Variants in SLCO5A1 observed in about 807,000 individuals in gnomAD.
The protein encoded by SLCO5A1 is solute carrier organic anion transporter family member 5A1, also known as organic anion transporter polypeptide-related protein 4.
In SLCO5A1, 39 loss-of-function variants were observed where a neutral mutation model predicts 65.1. The observed-to-expected ratio is 0.60, with a 90% confidence interval of 0.46 to 0.78. The LOEUF is 0.78. SLCO5A1 is among the 30% of genes least tolerant of loss of function. The probability of loss-of-function intolerance (pLI) is 0.00; values close to 1 mark genes in which losing one functional copy is unlikely to be tolerated. For missense variants in SLCO5A1, 1,029 were observed against 1,069.4 expected (o/e 0.96, Z 0.53); for synonymous variants, 438 against 415.7 (o/e 1.05, Z -0.65).
At chr8:69,707,139 G>A (rs555434963) in intron 5 of SLCO5A1, among the ~76,000 whole-genome samples, 11 of 152,150 alleles carry the variant, frequency 7.2e-5, no homozygotes, top group Non-Finnish European at 1.0e-4. Flanking sequence ...TTGACAGAGT[G>A]AGACTCCACA....
chr8:69,758,883 G>A (rs887188927), intron 3 of SLCO5A1, among the ~76,000 whole-genome samples: 1 of 152,148 alleles, frequency 6.6e-6, no homozygotes, highest in Non-Finnish European at 1.5e-5. Flanking sequence ...ATTCACTAAG[G>A]GGGCCAGTTA....
In SLCO5A1 at chr8:69,831,975, G is replaced by A. The variant is rs147139515; in HGVS notation, c.699C>T (p.Asn233=). ...QIQELNASAP[N]DGLCQGGNST... is the part of the protein sequence containing the mutation. ...AGTTGCCACCCTGACACAGGCCGTC[G>A]TTGGGGGCCGAGGCGTTCAACTCTT... Residue 233 remains asparagine, a synonymous_variant, in exon 2 of 10, where the codon AAC becomes AAT. Transcript: ENST00000260126. 5.0e-6 allele frequency: 8 copies of A among 1,593,126 alleles called. No individual in the cohort carries two copies. The highest frequency in any genetic ancestry group is 2.3e-5 in the South Asian group (2 of 87,626).
At chr8:69,828,285 A>G (rs1821005991) in intron 2 of SLCO5A1, among the ~76,000 whole-genome samples, 1 of 151,418 alleles carries the variant, frequency 6.6e-6, no homozygotes, top group African/African-American at 2.4e-5. Flanking sequence ...TTAAAAAAAA[A>G]GCAATTTAAT....
chr8:69,682,459 A>T, intron 6 of SLCO5A1, 116 bp from the exon 7 acceptor site: 3 of 1,011,832 alleles, frequency 3.0e-6, no homozygotes, highest in South Asian at 5.0e-5. Flanking sequence ...CATTGAATCA[A>T]AGCCATGATA....
rs1045724227 is a variant in SLCO5A1, at chr8:69,824,136, G to A, written c.907+7631C>T. Among the ~76,000 whole-genome samples, 7 of 152,044 alleles carry A rather than the reference G, an allele frequency of 4.6e-5. No homozygotes were observed. The South Asian group carries it at 8.4e-4, about 18-fold the overall frequency. ...GGACACATTTAAAGCAGTGTGTAGA[G>A]GGAAATTTATAGCACTAAATGCCCA... On this transcript the variant is annotated intron_variant, in intron 2 of 9. Transcript: ENST00000260126.
At chr8:69,754,752 A>G (rs1817472134) in intron 4 of SLCO5A1, among the ~76,000 whole-genome samples, 2 of 152,200 alleles carry the variant, frequency 1.3e-5, no homozygotes, top group South Asian at 4.1e-4. Flanking sequence ...GTTTAATATA[A>G]TCAGTATTTT....
chr8:69,684,570 C>T (rs974932254), intron 6 of SLCO5A1, among the ~76,000 whole-genome samples: 5 of 152,144 alleles, frequency 3.3e-5, no homozygotes, highest in Admixed American at 1.3e-4. Context: ...TTATATGGTT[C>T]TGGGAACTCT....
chr8:69,798,925 ATCTTT>A (rs1466181291), intron 2 of SLCO5A1, among the ~76,000 whole-genome samples: 2 of 152,236 alleles, frequency 1.3e-5, no homozygotes, highest in Non-Finnish European at 2.9e-5. Context: ...TAGAAGATTA[ATCTTT>A]TCTTTTGGTT....
At chr8:69,743,914 T>C (rs1374110628) in intron 4 of SLCO5A1, among the ~76,000 whole-genome samples, 1 of 152,042 alleles carries the variant, frequency 6.6e-6, no homozygotes, top group East Asian at 1.9e-4. Flanking sequence ...GCAGGGAGTA[T>C]GAAGATTTGA....
Position 69,672,288 on chromosome 8 carries a change from C to G in SLCO5A1, c.*581G>C, listed in dbSNP as rs1813358019. 1 of 153,856 alleles carries G rather than the reference C, an allele frequency of 6.5e-6. No individual in the cohort carries two copies. Among genetic ancestry groups the G allele is most frequent in the Non-Finnish European group, 1.4e-5 (1 of 69,018 alleles). The allele number at this position is 153,856 out of a possible 1,614,324, so 9.5% of individuals were successfully genotyped here. A position where few individuals can be genotyped will look rare whatever the true frequency, so the allele number is the denominator to read the frequency against. ...AAAAACTCTACCTGATTTATAACTG[C>G]TATGGCTTAAAATGCTATCAACAGT... On this transcript the variant is annotated 3_prime_UTR_variant, in exon 10 of 10. Transcript: ENST00000260126.
chr8:69,684,863 C>G (rs1813940180), intron 6 of SLCO5A1, among the ~76,000 whole-genome samples: 1 of 152,180 alleles, frequency 6.6e-6, no homozygotes, highest in Admixed American at 6.5e-5. Flanking sequence ...CACAGGAAGG[C>G]CCCCACCACC....
chr8:69,717,195 G>T (rs953607534), intron 5 of SLCO5A1, among the ~76,000 whole-genome samples: 1 of 152,114 alleles, frequency 6.6e-6, no homozygotes, highest in African/African-American at 2.4e-5. Flanking sequence ...AAAGAGTTAT[G>T]CCTATGTTTA....
chr8:69,691,676 G>A (rs1275287555), intron 6 of SLCO5A1, among the ~76,000 whole-genome samples: 1 of 152,160 alleles, frequency 6.6e-6, no homozygotes, highest in Admixed American at 6.6e-5. Flanking sequence ...TTTTAAGGCT[G>A]AATAGTGTTC....
chr8:69,814,007 C>T lies in SLCO5A1; in HGVS notation c.907+17760G>A, dbSNP rs955808880. ...CTATAAAATGTGAGAAGTAGGATAA[C>T]TACTACATAGTTGTTCTGAGGATAA... On this transcript the variant is annotated intron_variant, in intron 2 of 9. Transcript: ENST00000260126. 2.2e-4 allele frequency among the ~76,000 whole-genome samples: 34 copies of T among 152,192 alleles called. 1 individual carries two copies. Among genetic ancestry groups the T allele is most frequent in the South Asian group, 2.1e-3 (10 of 4,824 alleles).
intron 2 of SLCO5A1, among the ~76,000 whole-genome samples, chr8:69,765,372 C>T (rs1326667451): frequency 3.3e-5 from 5 of 149,950 alleles, no homozygotes; most frequent in African/African-American, 1.3e-4. Flanking sequence ...ATGTATATTA[C>T]TCTGTATGAG....
chr8:69,680,225 G>A (rs1019967565), intron 7 of SLCO5A1, among the ~76,000 whole-genome samples: 1 of 152,244 alleles, frequency 6.6e-6, no homozygotes, highest in East Asian at 1.9e-4. Context: ...GTGTACAGAT[G>A]ATCCCATCAC....
At position 69,832,534 on chromosome 8, in the gene SLCO5A1, C is replaced by T; in HGVS notation, c.140G>A (p.Arg47Gln). ...TCCACTAGTGGGACTGAGGCTTGGCCGGCAGGAGGCGCTGCTGAGGACCGG... is the reference window on the plus strand; with the variant it reads ...TCCACTAGTGGGACTGAGGCTTGGCTGGCAGGAGGCGCTGCTGAGGACCGG... ...SLPVLSSASC[R>Q]PSLSPTSGDA... is the part of the protein sequence containing the mutation. Residue 47 changes from arginine (R) to glutamine (Q), a missense_variant, in exon 2 of 10, where the codon CGG becomes CAG. By Grantham distance (43) the Arg-to-Gln change is conservative (BLOSUM62 1). Around this residue, in one of 3 missense-constraint regions of SLCO5A1, gnomAD observed 647 missense variants for 647.5 expected, o/e 1.00. Transcript: ENST00000260126. This position sits in a 1 kb window ranked among gnomAD's most constrained non-coding sequence, Gnocchi z 4.5. The T allele has an allele frequency of 1.2e-6, 2 of 1,607,480 alleles. No homozygotes were observed. The highest frequency in any genetic ancestry group is 1.7e-6 in the Non-Finnish European group (2 of 1,177,176).
At chr8:69,690,924 TAGAC>T (rs1462441838) in intron 6 of SLCO5A1, among the ~76,000 whole-genome samples, 4 of 152,218 alleles carry the variant, frequency 2.6e-5, no homozygotes, top group African/African-American at 9.6e-5. Context: ...AAGATAGTCA[TAGAC>T]AGTAAGTAAG....
intron 2 of SLCO5A1, among the ~76,000 whole-genome samples, chr8:69,802,480 A>T (rs1819784155): frequency 6.6e-6 from 1 of 151,340 alleles, no homozygotes; most frequent in Admixed American, 6.6e-5. Flanking sequence ...CTTGCTCTGT[A>T]GCCTGAGCAA....
Sources: allele counts gnomAD v4.1 joint callset (sites outside exome capture counted in the v4.1 genomes callset), GRCh38; gene constraint gnomAD v4.1.1; regional missense constraint gnomAD v4.1.1; non-coding constraint Gnocchi (gnomAD v3.1); transcripts MANE v1.5; gene names NCBI Gene and HGNC (gene_info 2026-07-23, HGNC 2026-07-21).